The following DPP6 variants were observed in gnomAD, a reference collection of about 807,000 sequenced individuals.
The protein encoded by DPP6 is dipeptidyl peptidase like 6, also known as A-type potassium channel modulatory protein DPP6.
DPP6 carries 69 observed loss-of-function variants against 122.6 expected under a neutral mutation model. That is an observed-to-expected ratio of 0.56 (90% CI 0.46 to 0.69). The LOEUF (loss-of-function observed/expected upper bound fraction) is 0.69. DPP6 is among the 30% of genes least tolerant of loss of function. DPP6 has a pLI of 0.00. For synonymous variants in DPP6, 418 were observed against 433.1 expected, an observed-to-expected ratio of 0.97 and a Z score of 0.43; for missense variants, 928 against 1,116.9, an observed-to-expected ratio of 0.83 and a Z score of 2.41.
At chr7:154,681,832 T>C (rs1228309618) in intron 7 of DPP6, among the ~76,000 whole-genome samples, 1 of 152,274 alleles carries the variant, frequency 6.6e-6, no homozygotes, top group Non-Finnish European at 1.5e-5. Flanking sequence ...TCCCACTTAC[T>C]GTAGCAGTTA....
chr7:154,620,658 T>C (rs1423745703), intron 5 of DPP6, among the ~76,000 whole-genome samples: 1 of 152,254 alleles, frequency 6.6e-6, no homozygotes, highest in Non-Finnish European at 1.5e-5. Flanking sequence ...GCACTGCCTG[T>C]GGAGTCCTCT....
Position 154,722,633 on chromosome 7 carries a change from G to A in DPP6, c.763-5134G>A, listed in dbSNP as rs544041628. Among the ~76,000 whole-genome samples the A allele has an allele frequency of 5.5e-4, 84 of 152,294 alleles. 1 individual carries two copies. The South Asian group carries it at 0.017, about 31-fold the overall frequency. ...GATAAATCAGGGGCGGCAGCAGGAG[G>A]CAGGGAGTTGAGTGAGGGTGGCCCA... On this transcript the variant is annotated intron_variant, in intron 7 of 25. Transcript: ENST00000377770.
intron 1 of DPP6, among the ~76,000 whole-genome samples, chr7:154,085,911 C>T (rs2533664): frequency 6.6e-6 from 1 of 152,014 alleles, no homozygotes; most frequent in Non-Finnish European, 1.5e-5. Context: ...GTATATTTAG[C>T]AAGACAGGGT....
At chr7:154,201,121 C>CT (rs1235675786) in intron 1 of DPP6, among the ~76,000 whole-genome samples, 13 of 151,944 alleles carry the variant, frequency 8.6e-5, no homozygotes, top group African/African-American at 1.7e-4. Context: ...AAAGGATTGC[C>CT]TTTTTTTGTT....
intron 3 of DPP6, among the ~76,000 whole-genome samples, chr7:154,509,542 G>A (rs1416599031): frequency 6.6e-6 from 1 of 152,168 alleles, no homozygotes; most frequent in African/African-American, 2.4e-5. Context: ...GGAAAATGGT[G>A]TAACCACTTT....
chr7:154,460,241 C>T (rs901338461), intron 2 of DPP6, among the ~76,000 whole-genome samples: 2 of 152,146 alleles, frequency 1.3e-5, no homozygotes, highest in African/African-American at 4.8e-5. Flanking sequence ...CTTGGCCTCC[C>T]AAAGTGCTGG....
intron 1 of DPP6, among the ~76,000 whole-genome samples, chr7:153,905,819 G>A (rs988359178): frequency 6.6e-6 from 1 of 152,188 alleles, no homozygotes; most frequent in Non-Finnish European, 1.5e-5. Context: ...GCAATGGGGA[G>A]GACCAACACA....
intron 7 of DPP6, among the ~76,000 whole-genome samples, chr7:154,696,027 C>T (rs762115097): frequency 2.0e-5 from 3 of 152,184 alleles, no homozygotes; most frequent in Non-Finnish European, 4.4e-5. Flanking sequence ...TGTGGCAGCA[C>T]GGGCCTTGAA....
intron 1 of DPP6, among the ~76,000 whole-genome samples, chr7:154,433,016 A>G (rs1002147609): frequency 2.6e-5 from 4 of 152,154 alleles, no homozygotes; most frequent in Admixed American, 2.0e-4. Flanking sequence ...GAAAATTGCC[A>G]TCACAAACTC....
chr7:154,676,432 C>T (rs576405292), intron 7 of DPP6, among the ~76,000 whole-genome samples: 1 of 120,010 alleles, frequency 8.3e-6, no homozygotes, highest in East Asian at 2.1e-4. Context: ...TCTGGAGGTC[C>T]AGCTGCCCTT....
At chr7:154,116,598 C>T (rs1054069578) in intron 1 of DPP6, among the ~76,000 whole-genome samples, 4 of 152,168 alleles carry the variant, frequency 2.6e-5, no homozygotes, top group South Asian at 2.1e-4. Flanking sequence ...AGTGTGTGTT[C>T]GAGATATAAA....
the DPP6 span, among the ~76,000 whole-genome samples, chr7:153,870,594 A>G: frequency 7.8e-3 from 1,195 of 152,244 alleles, 13 homozygotes; most frequent in African/African-American, 0.027. Context: ...CATTGGTTCA[A>G]ACTTCCTCCT....
chr7:154,267,434 G>T (rs1049515472), intron 1 of DPP6, among the ~76,000 whole-genome samples: 2 of 146,946 alleles, frequency 1.4e-5, no homozygotes, highest in Admixed American at 6.9e-5. Context: ...ACATATACAT[G>T]CACATACATA....
At chr7:154,315,695 G>A (rs1239368445) in intron 1 of DPP6, among the ~76,000 whole-genome samples, 3 of 152,140 alleles carry the variant, frequency 2.0e-5, no homozygotes, top group Non-Finnish European at 4.4e-5. Context: ...GGAGCAATGG[G>A]TAGGAGATCC....
rs147280555 is a variant in DPP6 at position 154,862,362 on chromosome 7, C to G, written c.1715-5633C>G. Among the ~76,000 whole-genome samples, 200 of 152,386 alleles carry G rather than the reference C, an allele frequency of 1.3e-3. 5 individuals carry two copies. The East Asian group carries it at 0.032, about 24-fold the overall frequency. ...AACCAGTCTCCTGAATCCCACGTGT[C>G]TGCACTCGAAATCTTCTGGACCCAC... On this transcript the variant is annotated intron_variant, in intron 17 of 25. Transcript: ENST00000377770.
chr7:154,361,679 T>G (rs1811738066), intron 1 of DPP6, among the ~76,000 whole-genome samples: 1 of 147,878 alleles, frequency 6.8e-6, no homozygotes, highest in Non-Finnish European at 1.5e-5. Flanking sequence ...CAGCAATGAA[T>G]AGGTATTTTG....
At position 154,467,295 on chromosome 7, in the gene DPP6, C is replaced by A. The variant is rs556733840; in HGVS notation, c.359-7644C>A. On this transcript the variant is annotated intron_variant, in intron 2 of 25. Transcript: ENST00000377770. ...GTCTGATATGGTTTGGCTCTGTGTT[C>A]CCACCCAAATCTCATGTCAAATTGT... Among the ~76,000 whole-genome samples the A allele has an allele frequency of 2.6e-5, 4 of 152,150 alleles. No individual in the cohort carries two copies. In the South Asian group the frequency reaches 8.3e-4, roughly 32 times the overall value.
chr7:154,531,197 A>G (rs1563811515), intron 3 of DPP6, among the ~76,000 whole-genome samples: 1 of 152,182 alleles, frequency 6.6e-6, no homozygotes, highest in African/African-American at 2.4e-5. Flanking sequence ...TAAAAGTTGA[A>G]GGAAAAAAGA....
the DPP6 span, among the ~76,000 whole-genome samples, chr7:153,796,383 T>C: frequency 7.0e-6 from 1 of 143,448 alleles, no homozygotes; most frequent in South Asian, 2.4e-4. Context: ...TAATAGTATA[T>C]GCTCTGAAAT....
Sources: allele counts gnomAD v4.1 joint callset (sites outside exome capture counted in the v4.1 genomes callset), GRCh38; gene constraint gnomAD v4.1.1; transcripts MANE v1.5; gene names NCBI Gene and HGNC (gene_info 2026-07-23, HGNC 2026-07-21).